The following BABAM2 variants were observed in gnomAD, a reference collection of about 807,000 sequenced individuals.
BABAM2 encodes the protein BRISC and BRCA1-A complex member 2.
A neutral mutation model predicts 54.7 loss-of-function variants in BABAM2; 31 were observed. The ratio of observed to expected loss-of-function variants is 0.57; its 90% confidence interval spans 0.43 to 0.77. BABAM2 has a LOEUF of 0.77. Ranked by LOEUF, BABAM2 falls within the 30% of genes least tolerant of loss-of-function variation. The pLI is 0.00. For synonymous variants in BABAM2, 167 were observed against 162.9 expected, an observed-to-expected ratio of 1.03 and a Z score of -0.19; for missense variants, 364 against 455.8, an observed-to-expected ratio of 0.80 and a Z score of 1.83.
intron 10 of BABAM2, among the ~76,000 whole-genome samples, chr2:28,248,537 G>A (rs757105882): frequency 1.2e-4 from 18 of 152,018 alleles, no homozygotes; most frequent in Non-Finnish European, 2.2e-4. Flanking sequence ...ATGCAGCGTG[G>A]CAAGAGAACC....
chr2:27,945,303 A>G (rs982930022), intron 3 of BABAM2, among the ~76,000 whole-genome samples: 3 of 152,106 alleles, frequency 2.0e-5, no homozygotes, highest in Non-Finnish European at 4.4e-5. Context: ...TGCTGAGATT[A>G]CAGGCATGAG....
At chr2:28,031,344 A>G (rs1376014716) in intron 5 of BABAM2, among the ~76,000 whole-genome samples, 1 of 152,144 alleles carries the variant, frequency 6.6e-6, no homozygotes, top group African/African-American at 2.4e-5. Context: ...GGGTTTTGTT[A>G]GGGACTTGAA....
At position 27,988,017 on chromosome 2, in the gene BABAM2, A is replaced by G; in HGVS notation, c.230A>G (p.Tyr77Cys). 1.9e-6 allele frequency: 3 copies of G among 1,613,452 alleles called. No homozygotes were observed. Among genetic ancestry groups the G allele is most frequent in the South Asian group, 1.1e-5 (1 of 91,074 alleles). The change falls in exon 4 of 12, where the codon TAC becomes TGC. Residue 77 changes from tyrosine (Y) to cysteine (C), a missense_variant. Transcript: ENST00000379624. ...LKWDIIFNAQ[Y>C]PELPPDFIFG... is the part of the protein sequence containing the mutation. ...GGGGATATCATTTTCAATGCCCAAT[A>G]CCCAGAACTGCCTCCCGATTTTATC...
At chr2:28,018,100 TGTACACTGTGCCCAAC>T (rs1317458370) in intron 4 of BABAM2, among the ~76,000 whole-genome samples, 1 of 152,218 alleles carries the variant, frequency 6.6e-6, no homozygotes, top group African/African-American at 2.4e-5. Context: ...ACACACGCAG[TGTACACTGTGCCCAAC>T]GTGTAGTCTT....
chr2:27,902,894 CGTGTGTGTGTTTGTGTGTGT>C (rs1165584988), intron 2 of BABAM2, among the ~76,000 whole-genome samples: 1 of 133,988 alleles, frequency 7.5e-6, no homozygotes, highest in Non-Finnish European at 1.7e-5. Context: ...CCTGTGTGCA[CGTGTGTGTGTTTGTGTGTGT>C]GTGTGTGTGT....
At chr2:28,251,445 C>T (rs545266784) in intron 10 of BABAM2, among the ~76,000 whole-genome samples, 1 of 152,178 alleles carries the variant, frequency 6.6e-6, no homozygotes, top group African/African-American at 2.4e-5. Context: ...TTGTCAGGCT[C>T]TCCAATTCCT....
intron 6 of BABAM2, among the ~76,000 whole-genome samples, chr2:28,061,469 C>T (rs1010105891): frequency 2.0e-5 from 3 of 151,000 alleles, no homozygotes; most frequent in African/African-American, 7.3e-5. Context: ...CCTGTAGTCC[C>T]AGCTACTCGG....
intron 3 of BABAM2, among the ~76,000 whole-genome samples, chr2:27,958,683 T>C (rs1006114448): frequency 6.6e-6 from 1 of 152,060 alleles, no homozygotes; most frequent in African/African-American, 2.4e-5. Flanking sequence ...GTGGAAAGTA[T>C]TGAAGATGGT....
chr2:28,119,307 T>C (rs1668865610), intron 6 of BABAM2, among the ~76,000 whole-genome samples: 1 of 152,166 alleles, frequency 6.6e-6, no homozygotes, highest in South Asian at 2.1e-4. Flanking sequence ...CTAAAAACTT[T>C]TATGAGTAGA....
chr2:28,247,156 T>A (rs1011736426), intron 10 of BABAM2, among the ~76,000 whole-genome samples: 1 of 152,194 alleles, frequency 6.6e-6, no homozygotes, highest in African/African-American at 2.4e-5. Flanking sequence ...TTCCAGTGTT[T>A]CCTGGAGCTC....
At chr2:27,998,153 A>G (rs956050374) in intron 4 of BABAM2, among the ~76,000 whole-genome samples, 1 of 151,872 alleles carries the variant, frequency 6.6e-6, no homozygotes, top group African/African-American at 2.4e-5. Flanking sequence ...ACTCAGTCTC[A>G]AGAAAAAAAA....
chr2:28,194,907 C>G (rs1677352016), intron 7 of BABAM2, among the ~76,000 whole-genome samples: 1 of 152,026 alleles, frequency 6.6e-6, no homozygotes, highest in Non-Finnish European at 1.5e-5. Flanking sequence ...TGTTGGCCAG[C>G]CTGGTCTTGA....
intron 6 of BABAM2, among the ~76,000 whole-genome samples, chr2:28,095,994 C>T (rs977390562): frequency 6.6e-6 from 1 of 152,110 alleles, no homozygotes; most frequent in South Asian, 2.1e-4. Flanking sequence ...AAGAGTCAAA[C>T]ATTAAGTAGT....
intron 10 of BABAM2, among the ~76,000 whole-genome samples, chr2:28,265,032 G>A (rs1047025916): frequency 1.3e-5 from 2 of 152,190 alleles, no homozygotes; most frequent in Admixed American, 6.5e-5. Context: ...TGACCCAAGG[G>A]TGTACTGACC....
chr2:28,052,104 ATTG>A (rs1678040523), intron 6 of BABAM2, among the ~76,000 whole-genome samples: 1 of 152,172 alleles, frequency 6.6e-6, no homozygotes, highest in South Asian at 2.1e-4. Flanking sequence ...TAGAGGCCAG[ATTG>A]TTGGTGTTCA....
intron 7 of BABAM2, among the ~76,000 whole-genome samples, chr2:28,209,911 T>C (rs1482403488): frequency 1.3e-5 from 2 of 152,234 alleles, no homozygotes; most frequent in African/African-American, 2.4e-5. Flanking sequence ...TTTAAATAAT[T>C]AATATAGAGA....
chr2:27,894,430 A>T, intron 1 of BABAM2, 103 bp from the exon 2 acceptor site: 2 of 1,121,338 alleles, frequency 1.8e-6, no homozygotes, highest in Non-Finnish European at 2.6e-6. Context: ...TGAATTATTT[A>T]TTCATGCAAG....
Position 28,194,311 on chromosome 2 carries a change from T to C in BABAM2, c.681-42891T>C, listed in dbSNP as rs1317727887. Among the ~76,000 whole-genome samples the C allele has an allele frequency of 2.6e-5, 4 of 152,100 alleles. No homozygotes were observed. In the East Asian group the frequency reaches 7.7e-4, roughly 29 times the overall value. Reference sequence around the variant, plus strand: ...TGACTTGCCAGTTTACTGTCTGTGGTAAGGCTTCCTGCTCTCAGCTCCCAG... The same window carrying C: ...TGACTTGCCAGTTTACTGTCTGTGGCAAGGCTTCCTGCTCTCAGCTCCCAG... On this transcript the variant is annotated intron_variant, in intron 7 of 11. Transcript: ENST00000379624.
At chr2:28,248,165 G>A (rs988587239) in intron 10 of BABAM2, among the ~76,000 whole-genome samples, 9 of 148,402 alleles carry the variant, frequency 6.1e-5, no homozygotes, top group African/African-American at 2.2e-4. Context: ...TCTGGAGGTA[G>A]ATGTTACCTT....
Sources: gnomAD v4.1 joint callset for allele counts (sites outside exome capture counted in the v4.1 genomes callset) on GRCh38, gnomAD v4.1.1 for gene constraint, MANE v1.5 for transcripts, NCBI Gene and HGNC (gene_info 2026-07-23, HGNC 2026-07-21) for gene names.